Variants in GPC6 observed in about 807,000 individuals in gnomAD.
GPC6 encodes glypican-6.
A neutral mutation model predicts 55.2 loss-of-function variants in GPC6; 14 were observed. The observed-to-expected ratio is 0.25, with a 90% confidence interval of 0.17 to 0.40. GPC6 has a LOEUF of 0.40. Among genes scored for constraint, GPC6 ranks in the 10% least tolerant of loss-of-function variants. The pLI, the probability that GPC6 is intolerant of heterozygous loss-of-function variation, is 1.00. For synonymous variants in GPC6, 278 were observed against 259.6 expected (o/e 1.07, Z -0.68); for missense variants, 641 against 708.5 (o/e 0.90, Z 1.08).
intron 1 of GPC6, among the ~76,000 whole-genome samples, chr13:93,357,861 C>A (rs1383466266): frequency 6.6e-6 from 1 of 152,034 alleles, no homozygotes; most frequent in East Asian, 1.9e-4. Context: ...CACATTTCTT[C>A]TGGTTACACT....
intron 1 of GPC6, among the ~76,000 whole-genome samples, chr13:93,269,564 C>T (rs554240464): frequency 3.6e-4 from 55 of 152,132 alleles, no homozygotes; most frequent in African/African-American, 1.3e-3. Context: ...CTTTCTCCCA[C>T]CTTCTTTTGC....
At chr13:94,031,782 T>C (rs543479082) in intron 4 of GPC6, among the ~76,000 whole-genome samples, 1 of 152,354 alleles carries the variant, frequency 6.6e-6, no homozygotes, top group South Asian at 2.1e-4. Flanking sequence ...GTGTTTGGCA[T>C]TGTTATCAAC....
At chr13:94,331,881 T>A (rs922371698) in intron 6 of GPC6, among the ~76,000 whole-genome samples, 8 of 152,228 alleles carry the variant, frequency 5.3e-5, no homozygotes, top group Non-Finnish European at 1.2e-4. Context: ...AAGCCAATTT[T>A]GGATTATATC....
At chr13:93,538,109 G>T (rs981681738) in intron 1 of GPC6, among the ~76,000 whole-genome samples, 1 of 152,062 alleles carries the variant, frequency 6.6e-6, no homozygotes, top group African/African-American at 2.4e-5. Context: ...GGAAACATAA[G>T]CTGGAACTAC....
rs377708761 is a variant in GPC6 at position 94,403,104 on chromosome 13, G to A, written c.1555G>A (p.Ala519Thr). The A allele has an allele frequency of 1.2e-4, 189 of 1,613,142 alleles. No individual in the cohort carries two copies. The highest frequency in any genetic ancestry group is 3.1e-4 in the South Asian group (28 of 91,070). Reference protein sequence around the residue: ...EFEFVTTEAPAVDPDRREVDS... With the variant: ...EFEFVTTEAPTVDPDRREVDS... ...TGAGTTTGTCACCACAGAGGCCCCC[G>A]CAGTGGATCCCGACCGGAGAGAGGT... is the stretch of plus-strand genomic sequence containing the variant. The change falls in exon 9 of 9, where the codon GCA (alanine) becomes ACA (threonine). Residue 519 changes from alanine (A) to threonine (T), a missense_variant. Ala to Thr is a moderately conservative substitution (Grantham distance 58). Coordinates refer to ENST00000377047, the MANE Select transcript of GPC6 (RefSeq NM_005708.5).
At chr13:94,145,972 GA>G (rs1355829735) in intron 4 of GPC6, among the ~76,000 whole-genome samples, 1 of 152,144 alleles carries the variant, frequency 6.6e-6, no homozygotes, top group Admixed American at 6.6e-5. Context: ...TCTGAGCTAA[GA>G]TTTTATTTAG....
chr13:93,900,795 T>A (rs1168628801), intron 3 of GPC6, among the ~76,000 whole-genome samples: 1 of 152,144 alleles, frequency 6.6e-6, no homozygotes, highest in Non-Finnish European at 1.5e-5. Flanking sequence ...AAAGATGATG[T>A]GTGAAAAAAT....
intron 1 of GPC6, among the ~76,000 whole-genome samples, chr13:93,236,533 C>T (rs1347518967): frequency 6.6e-6 from 1 of 152,188 alleles, no homozygotes; most frequent in African/African-American, 2.4e-5. Flanking sequence ...TGCCTGCGCT[C>T]TGCCTCCTGT....
At chr13:93,840,752 T>C (rs1156862718) in intron 3 of GPC6, among the ~76,000 whole-genome samples, 1 of 151,990 alleles carries the variant, frequency 6.6e-6, no homozygotes, top group South Asian at 2.1e-4. Context: ...CCGTGGAAAA[T>C]GTGTGCAACA....
intron 4 of GPC6, among the ~76,000 whole-genome samples, chr13:94,130,113 G>A (rs1012725907): frequency 6.6e-6 from 1 of 152,020 alleles, no homozygotes; most frequent in African/African-American, 2.4e-5. Context: ...AGGATCTGTT[G>A]GACTTTTGAG....
intron 4 of GPC6, among the ~76,000 whole-genome samples, chr13:94,075,492 A>G (rs1884880680): frequency 6.6e-6 from 1 of 152,026 alleles, no homozygotes; most frequent in African/African-American, 2.4e-5. Flanking sequence ...CACTTAATAA[A>G]TTTTAAGTGC....
chr13:93,649,543 A>G (rs1250054769), intron 2 of GPC6, among the ~76,000 whole-genome samples: 2 of 152,224 alleles, frequency 1.3e-5, no homozygotes, highest in African/African-American at 4.8e-5. Flanking sequence ...CATAAACCAT[A>G]GATTGTCTTT....
intron 2 of GPC6, among the ~76,000 whole-genome samples, chr13:93,585,432 T>G (rs1488357616): frequency 6.6e-6 from 1 of 152,228 alleles, no homozygotes; most frequent in Non-Finnish European, 1.5e-5. Context: ...TAGAGTCTTT[T>G]CATTTTGACC....
intron 2 of GPC6, among the ~76,000 whole-genome samples, chr13:93,587,669 C>T (rs1316219467): frequency 6.6e-6 from 1 of 152,076 alleles, no homozygotes; most frequent in Non-Finnish European, 1.5e-5. Context: ...GTCCTGCTCT[C>T]AGTACTCGAC....
chr13:94,349,440 C>T (rs1273414680), intron 6 of GPC6, among the ~76,000 whole-genome samples: 1 of 152,172 alleles, frequency 6.6e-6, no homozygotes, highest in Non-Finnish European at 1.5e-5. Context: ...CCAGAAACAT[C>T]CATCTCATCA....
chr13:93,978,094 A>G (rs1880605203), intron 3 of GPC6, among the ~76,000 whole-genome samples: 1 of 152,202 alleles, frequency 6.6e-6, no homozygotes, highest in African/African-American at 2.4e-5. Flanking sequence ...AGAAGGTCAG[A>G]TGGTGTTATG....
chr13:94,011,895 A>T (rs1010754295), intron 3 of GPC6, among the ~76,000 whole-genome samples: 2 of 152,242 alleles, frequency 1.3e-5, no homozygotes, highest in Non-Finnish European at 2.9e-5. Flanking sequence ...GTGCCAGCAC[A>T]TGGTGATAAA....
intron 7 of GPC6, among the ~76,000 whole-genome samples, chr13:94,386,280 A>G (rs1224357989): frequency 3.3e-5 from 5 of 151,866 alleles, no homozygotes; most frequent in Non-Finnish European, 7.4e-5. Context: ...GAATGGCATG[A>G]GCCTGGGAGG....
intron 2 of GPC6, among the ~76,000 whole-genome samples, chr13:93,667,925 A>G (rs1881211725): frequency 6.6e-6 from 1 of 152,156 alleles, no homozygotes; most frequent in African/African-American, 2.4e-5. Context: ...TTTTAATATT[A>G]AAGGGAAGTT....
Sources: gnomAD v4.1 joint callset for allele counts (sites outside exome capture counted in the v4.1 genomes callset) on GRCh38, gnomAD v4.1.1 for gene constraint, MANE v1.5 for transcripts, NCBI Gene and HGNC (gene_info 2026-07-23, HGNC 2026-07-21) for gene names.